REC114: variants seen among roughly 807,000 people sequenced by gnomAD.
REC114 encodes the protein meiotic recombination protein REC114.
In REC114, 27 loss-of-function variants were observed where a neutral mutation model predicts 31.3. The ratio of observed to expected loss-of-function variants is 0.86; its 90% confidence interval spans 0.64 to 1.19. The LOEUF is 1.19. Among genes scored for constraint, REC114 ranks in the 50% most tolerant of loss-of-function variants. The pLI is 0.00. For synonymous variants in REC114, 134 were observed against 127.7 expected, an observed-to-expected ratio of 1.05 and a Z score of -0.33; for missense variants, 344 against 326.9, an observed-to-expected ratio of 1.05 and a Z score of -0.40.
intron 5 of REC114, among the ~76,000 whole-genome samples, chr15:73,559,541 A>T (rs1426765304): frequency 6.6e-6 from 1 of 152,228 alleles, no homozygotes; most frequent in African/African-American, 2.4e-5. Context: ...AGATTATCTC[A>T]CATGCTATGT....
At chr15:73,494,254 G>A (rs187045988) in intron 2 of REC114, among the ~76,000 whole-genome samples, 15 of 152,178 alleles carry the variant, frequency 9.9e-5, no homozygotes, top group Admixed American at 3.3e-4. Context: ...AAAAGTTCAA[G>A]ATACACCCTG....
intron 2 of REC114, among the ~76,000 whole-genome samples, chr15:73,491,841 A>G (rs972039625): frequency 2.0e-5 from 3 of 152,082 alleles, no homozygotes; most frequent in African/African-American, 7.2e-5. Flanking sequence ...CGGAGGTTGC[A>G]GTGAGCTGAG....
chr15:73,445,978 C>T (rs555416409), intron 1 of REC114, among the ~76,000 whole-genome samples: 1 of 152,102 alleles, frequency 6.6e-6, no homozygotes, highest in South Asian at 2.1e-4. Flanking sequence ...TTGCCACAAA[C>T]CTTCAATGTG....
chr15:73,540,353 A>G, intron 2 of REC114, 132 bp from the exon 3 acceptor site: 1 of 741,890 alleles, frequency 1.3e-6, no homozygotes, highest in South Asian at 1.5e-5. Flanking sequence ...AACTGGTTTT[A>G]TTGAGTCATT....
intron 2 of REC114, among the ~76,000 whole-genome samples, chr15:73,513,742 C>A (rs1423521820): frequency 6.6e-6 from 1 of 151,796 alleles, no homozygotes; most frequent in Admixed American, 6.6e-5. Flanking sequence ...GGGGTGCCTC[C>A]CAGTTAGGCT....
intron 2 of REC114, among the ~76,000 whole-genome samples, chr15:73,532,256 T>C (rs935550942): frequency 3.3e-5 from 5 of 150,604 alleles, no homozygotes; most frequent in Admixed American, 1.3e-4. Context: ...GTTCTTGCGA[T>C]AGTTTACTGA....
At chr15:73,555,904 A>G (rs758839556) in intron 4 of REC114, among the ~76,000 whole-genome samples, 2 of 152,184 alleles carry the variant, frequency 1.3e-5, no homozygotes, top group Non-Finnish European at 2.9e-5. Context: ...TTAGAGTGTG[A>G]CAAATCATCA....
chr15:73,502,241 A>C (rs543033448), intron 2 of REC114, among the ~76,000 whole-genome samples: 2 of 152,276 alleles, frequency 1.3e-5, no homozygotes, highest in South Asian at 4.1e-4. Flanking sequence ...ATCATTGTTA[A>C]ATAACACATC....
chr15:73,504,225 C>T (rs949678188), intron 2 of REC114, among the ~76,000 whole-genome samples: 3 of 151,804 alleles, frequency 2.0e-5, no homozygotes, highest in East Asian at 1.9e-4. Context: ...CAGATGGTCT[C>T]GATCTCTTAA....
chr15:73,542,244 T>C (rs888715119), intron 3 of REC114, among the ~76,000 whole-genome samples: 4 of 151,166 alleles, frequency 2.6e-5, no homozygotes, highest in Non-Finnish European at 5.9e-5. Flanking sequence ...GGCAAGATAA[T>C]TGCTTGAACC....
At chr15:73,535,780 A>G (rs939784281) in intron 2 of REC114, among the ~76,000 whole-genome samples, 5 of 151,020 alleles carry the variant, frequency 3.3e-5, no homozygotes, top group Non-Finnish European at 7.4e-5. Context: ...AAACTATACT[A>G]CAAGGCTACA....
intron 2 of REC114, among the ~76,000 whole-genome samples, chr15:73,514,631 A>T (rs1194550961): frequency 6.6e-6 from 1 of 152,232 alleles, no homozygotes; most frequent in African/African-American, 2.4e-5. Flanking sequence ...ACATTAAAGT[A>T]ATGGTTTTTA....
intron 1 of REC114, among the ~76,000 whole-genome samples, chr15:73,445,483 A>G (rs1892752303): frequency 2.0e-5 from 3 of 152,270 alleles, no homozygotes; most frequent in Non-Finnish European, 2.9e-5. Flanking sequence ...TGCATTTACA[A>G]CCTGGCTAAC....
intron 1 of REC114, among the ~76,000 whole-genome samples, chr15:73,444,190 T>G (rs1892736474): frequency 6.6e-6 from 1 of 152,198 alleles, no homozygotes. Flanking sequence ...TTCCCAAGAT[T>G]GGGGTTGCTG....
intron 2 of REC114, among the ~76,000 whole-genome samples, chr15:73,481,813 C>T (rs1230752814): frequency 6.6e-6 from 1 of 151,878 alleles, no homozygotes; most frequent in Non-Finnish European, 1.5e-5. Context: ...TGCACACCAC[C>T]ACGCCAGGGG....
chr15:73,516,298 C>G (rs1463793932), intron 2 of REC114, among the ~76,000 whole-genome samples: 2 of 151,934 alleles, frequency 1.3e-5, no homozygotes, highest in African/African-American at 2.4e-5. Flanking sequence ...TAGCTTTTAA[C>G]TATTAATAAA....
intron 2 of REC114, among the ~76,000 whole-genome samples, chr15:73,514,374 T>G (rs1400628337): frequency 6.6e-6 from 1 of 151,668 alleles, no homozygotes; most frequent in Non-Finnish European, 1.5e-5. Context: ...ACCCGGTACC[T>G]CAGATGGAAA....
chr15:73,508,438 T>C (rs1010085080), intron 2 of REC114, among the ~76,000 whole-genome samples: 1 of 151,040 alleles, frequency 6.6e-6, no homozygotes, highest in Non-Finnish European at 1.5e-5. Flanking sequence ...TTTTTTTTTC[T>C]TTTTTAATTT....
chr15:73,479,916 C>A (rs1893269516), intron 2 of REC114, among the ~76,000 whole-genome samples: 1 of 152,158 alleles, frequency 6.6e-6, no homozygotes, highest in Non-Finnish European at 1.5e-5. Flanking sequence ...GATACCTCTT[C>A]AAAATACTAA....
Sources: allele counts gnomAD v4.1 joint callset (sites outside exome capture counted in the v4.1 genomes callset), GRCh38; gene constraint gnomAD v4.1.1; transcripts MANE v1.5; gene names NCBI Gene and HGNC (gene_info 2026-07-23, HGNC 2026-07-21).